The following POPDC3 variants were observed in gnomAD, a reference collection of about 807,000 sequenced individuals.
POPDC3 encodes popeye domain-containing protein 3.
POPDC3 carries 20 observed loss-of-function variants against 28.2 expected under a neutral mutation model. That is an observed-to-expected ratio of 0.71 (90% CI 0.50 to 1.03). POPDC3 has a LOEUF of 1.03. Among genes scored for constraint, POPDC3 ranks in the 50% least tolerant of loss-of-function variants. POPDC3 has a pLI of 0.00. For missense variants in POPDC3, 316 were observed against 345.9 expected (o/e 0.91, Z 0.69); for synonymous variants, 118 against 124.1 (o/e 0.95, Z 0.33).
chr6:105,160,323 T>A (rs955707738), intron 2 of POPDC3, among the ~76,000 whole-genome samples: 1 of 152,206 alleles, frequency 6.6e-6, no homozygotes, highest in East Asian at 1.9e-4. Context: ...GCGATTCTTG[T>A]GCCTCAGCCT....
intron 1 of POPDC3, among the ~76,000 whole-genome samples, chr6:105,166,876 G>A (rs1301899296): frequency 6.6e-6 from 1 of 151,668 alleles, no homozygotes; most frequent in Non-Finnish European, 1.5e-5. Flanking sequence ...GGTTGTGTGT[G>A]TGTGTGTGTG....
chr6:105,174,337 C>A (rs1774641522), intron 1 of POPDC3, among the ~76,000 whole-genome samples: 1 of 152,156 alleles, frequency 6.6e-6, no homozygotes, highest in South Asian at 2.1e-4. Context: ...CTGCGCCCAG[C>A]CAGAAATTTT....
At chr6:105,166,265 GCCGAGTGGCAGAA>G (rs541908534) in intron 1 of POPDC3, among the ~76,000 whole-genome samples, 222 of 152,274 alleles carry the variant, frequency 1.5e-3, no homozygotes, top group African/African-American at 5.1e-3. Flanking sequence ...AAAATATAGA[GCCGAGTGGCAGAA>G]CTGAATTAAG....
chr6:105,177,237 T>C (rs1774697770), intron 1 of POPDC3: 1 of 152,278 alleles, frequency 6.6e-6, no homozygotes, highest in South Asian at 2.1e-4. Flanking sequence ...TATATTTCTC[T>C]ATATTTAAAT....
chr6:105,165,591 C>T (rs906395079), intron 1 of POPDC3, among the ~76,000 whole-genome samples: 5 of 152,186 alleles, frequency 3.3e-5, no homozygotes, highest in Non-Finnish European at 5.9e-5. Context: ...AATTGGGGGG[C>T]TCCAAATGTC....
intron 1 of POPDC3, among the ~76,000 whole-genome samples, chr6:105,177,530 C>CA (rs1366258365): frequency 6.6e-6 from 1 of 152,200 alleles, no homozygotes; most frequent in Non-Finnish European, 1.5e-5. Context: ...AGCTAGGAAA[C>CA]AAACACCTTC....
At chr6:105,178,896 T>A in intron 1 of POPDC3, 6 of 985,410 alleles carry the variant, frequency 6.1e-6, no homozygotes, top group Non-Finnish European at 7.2e-6. Flanking sequence ...GCTATAAAAC[T>A]CAATTGCAGT....
At chr6:105,174,445 G>C (rs142194405) in intron 1 of POPDC3, among the ~76,000 whole-genome samples, 27 of 152,300 alleles carry the variant, frequency 1.8e-4, no homozygotes, top group African/African-American at 6.5e-4. Context: ...GCTCAAAAAT[G>C]GTACAGCCAG....
At chr6:105,178,594 ACACACACAC>A (rs1774724744) in intron 1 of POPDC3, 1 of 203,872 alleles carries the variant, frequency 4.9e-6, no homozygotes, top group African/African-American at 2.4e-5. Flanking sequence ...ACACACACAC[ACACACACAC>A]ACACACAGAT....
intron 1 of POPDC3, among the ~76,000 whole-genome samples, chr6:105,177,382 T>TA (rs1288199347): frequency 5.9e-5 from 9 of 152,178 alleles, no homozygotes; most frequent in African/African-American, 2.2e-4. Flanking sequence ...TTTGAACACA[T>TA]ACAAAAATAG....
chr6:105,171,514 T>C (rs1445726694), intron 1 of POPDC3, among the ~76,000 whole-genome samples: 1 of 151,714 alleles, frequency 6.6e-6, no homozygotes, highest in Admixed American at 6.6e-5. Context: ...ACAAAAAAAT[T>C]AAAAGAATTT....
chr6:105,167,705 C>A lies in POPDC3; in HGVS notation c.-251-5545G>T, dbSNP rs538022334. On this transcript the variant is annotated intron_variant, in intron 1 of 3. Coordinates refer to ENST00000254765, the MANE Select transcript of POPDC3 (RefSeq NM_022361.5). ...GAGGCTGCAATAAGCTGAGATCATGCCCCTGTACTCCAGCCTGGGCAACAG... is the reference window on the plus strand; with the variant it reads ...GAGGCTGCAATAAGCTGAGATCATGACCCTGTACTCCAGCCTGGGCAACAG... Among the ~76,000 whole-genome samples, 11 of 149,260 alleles carry A rather than the reference C, an allele frequency of 7.4e-5. No homozygotes were observed. The South Asian group carries it at 2.3e-3, about 32-fold the overall frequency.
chr6:105,168,360 T>C (rs552559552), intron 1 of POPDC3, among the ~76,000 whole-genome samples: 2 of 152,368 alleles, frequency 1.3e-5, no homozygotes, highest in East Asian at 3.9e-4. Context: ...ACTCTTCATG[T>C]ACCACTAATC....
At chr6:105,172,782 A>G (rs1774606099) in intron 1 of POPDC3, among the ~76,000 whole-genome samples, 1 of 142,362 alleles carries the variant, frequency 7.0e-6, no homozygotes, top group Non-Finnish European at 1.6e-5. Flanking sequence ...AAACTATTGC[A>G]AGGACAAAAA....
In POPDC3 at chr6:105,159,696, T is replaced by C. The variant is rs774449208; in HGVS notation, c.594+15A>G. On this transcript the variant is annotated intron_variant, in intron 3 of 3. Coordinates refer to ENST00000254765, the MANE Select transcript of POPDC3 (RefSeq NM_022361.5). ...GAAAGAGGGAGTGCTAACTGTGTGT[T>C]CTGGTATCCCTTACCTGAAAAATGC... is the stretch of plus-strand genomic sequence containing the variant. 9 of 1,443,302 alleles carry C rather than the reference T, an allele frequency of 6.2e-6. No homozygotes were observed. Among genetic ancestry groups the C allele is most frequent in the Non-Finnish European group, 7.8e-6 (8 of 1,025,072 alleles). The allele number at this position is 1,443,302 out of a possible 1,614,324, so 89.4% of individuals were successfully genotyped here.
intron 1 of POPDC3, chr6:105,169,101 T>C (rs1774521559): frequency 6.6e-6 from 1 of 152,126 alleles, no homozygotes; most frequent in Non-Finnish European, 1.5e-5. Context: ...GATGCTAAGT[T>C]TGTAGTCATT....
intron 1 of POPDC3, among the ~76,000 whole-genome samples, chr6:105,173,856 GA>G (rs11327500): frequency 0.84 from 124,670 of 149,234 alleles, 53,062 homozygotes; most frequent in East Asian, 0.93. Flanking sequence ...TTCATAATGG[GA>G]AAAAAAAAAA....
Position 105,158,299 on chromosome 6 carries a change from G to A in POPDC3, c.*171C>T. 1.9e-6 allele frequency: 1 copy of A among 538,088 alleles called. No homozygotes were observed. Among genetic ancestry groups the A allele is most frequent in the Non-Finnish European group, 3.1e-6 (1 of 320,006 alleles). 33.3% of individuals were successfully genotyped at this position (538,088 alleles called of 1,614,324 possible). A position where few individuals can be genotyped will look rare whatever the true frequency, so the allele number is the denominator to read the frequency against. ...GAGAAATACAAGAAAAATTTGTAAA[G>A]TTTATTCACAATGCAGTTGTTGAAA... is the stretch of plus-strand genomic sequence containing the variant. On this transcript the variant is annotated 3_prime_UTR_variant, in exon 4 of 4. Coordinates refer to ENST00000254765, the MANE Select transcript of POPDC3 (RefSeq NM_022361.5).
chr6:105,172,674 A>G (rs1377478592), intron 1 of POPDC3, among the ~76,000 whole-genome samples: 4 of 150,832 alleles, frequency 2.7e-5, no homozygotes, highest in East Asian at 3.9e-4. Flanking sequence ...AAGAAAATGT[A>G]GCACATATAC....
Sources: allele counts gnomAD v4.1 joint callset (sites outside exome capture counted in the v4.1 genomes callset), GRCh38; gene constraint gnomAD v4.1.1; transcripts MANE v1.5; gene names NCBI Gene and HGNC (gene_info 2026-07-23, HGNC 2026-07-21).